The following DOCK4 variants were observed in gnomAD, a reference collection of about 807,000 sequenced individuals.
The protein encoded by DOCK4 is dedicator of cytokinesis 4, also known as dedicator of cytokinesis protein 4.
A neutral mutation model predicts 268.1 loss-of-function variants in DOCK4; 97 were observed. That is an observed-to-expected ratio of 0.36 (90% CI 0.31 to 0.43). The LOEUF (loss-of-function observed/expected upper bound fraction) is 0.43. Ranked by LOEUF, DOCK4 falls within the 20% of genes least tolerant of loss-of-function variation. The pLI is 1.00. For missense variants in DOCK4, 2,145 were observed against 2,455.7 expected (o/e 0.87, Z 2.67); for synonymous variants, 954 against 887.2 (o/e 1.08, Z -1.34).
chr7:112,115,633 T>TCATTCATC lies in DOCK4; in HGVS notation c.37+90468_37+90469insGATGAATG, dbSNP rs1554448923. ...ATATGCCATCTATCAATCCACCCATTCATCCATCCATCCATCCACCCATCC... is the reference window on the plus strand; with the variant it reads ...ATATGCCATCTATCAATCCACCCATTCATTCATCCATCCATCCATCCATCCACCCATCC... On this transcript the variant is annotated intron_variant, in intron 1 of 52. Transcript: ENST00000428084. Among the ~76,000 whole-genome samples the TCATTCATC allele has an allele frequency of 3.5e-3, 114 of 32,198 alleles. 1 individual carries two copies. Among genetic ancestry groups the TCATTCATC allele is most frequent in the African/African-American group, 1.5e-3 (2 of 1,340 alleles). The allele number at this position is 32,198 out of a possible 152,430, so 21.1% of individuals were successfully genotyped here.
chr7:112,007,834 T>G (rs961288742), intron 1 of DOCK4, among the ~76,000 whole-genome samples: 1 of 152,250 alleles, frequency 6.6e-6, no homozygotes, highest in African/African-American at 2.4e-5. Context: ...AAATTCTATT[T>G]GGAAACAACT....
At chr7:111,902,999 G>C (rs960272302) in intron 13 of DOCK4, among the ~76,000 whole-genome samples, 3 of 152,118 alleles carry the variant, frequency 2.0e-5, no homozygotes, top group Admixed American at 2.0e-4. Context: ...TCGATCTCCT[G>C]ACCTTGAATA....
At chr7:112,174,600 GA>G (rs151142456) in intron 1 of DOCK4, among the ~76,000 whole-genome samples, 7 of 151,778 alleles carry the variant, frequency 4.6e-5, no homozygotes, top group African/African-American at 1.5e-4. Flanking sequence ...TGATTACAGG[GA>G]AAAAAGGCAG....
intron 42 of DOCK4, among the ~76,000 whole-genome samples, chr7:111,749,575 T>C (rs1241539689): frequency 6.6e-6 from 1 of 151,898 alleles, no homozygotes; most frequent in Non-Finnish European, 1.5e-5. Context: ...TTTCTAAAAG[T>C]AAATAAAACA....
chr7:112,150,395 C>T (rs1815946471), intron 1 of DOCK4, among the ~76,000 whole-genome samples: 1 of 152,060 alleles, frequency 6.6e-6, no homozygotes, highest in South Asian at 2.1e-4. Context: ...GCCAACATGC[C>T]GCTCCAAGCT....
intron 1 of DOCK4, among the ~76,000 whole-genome samples, chr7:112,184,825 G>C (rs982343669): frequency 1.3e-5 from 2 of 152,058 alleles, no homozygotes; most frequent in Admixed American, 6.6e-5. Context: ...GTTGAGAGAA[G>C]AGATTATGGA....
intron 12 of DOCK4, among the ~76,000 whole-genome samples, chr7:111,917,028 C>G (rs990116037): frequency 8.0e-6 from 1 of 124,964 alleles, no homozygotes; most frequent in Admixed American, 9.8e-5. Flanking sequence ...ACGCTCTGTT[C>G]CCAGGCTGGA....
At chr7:112,176,960 G>A (rs1818587906) in intron 1 of DOCK4, among the ~76,000 whole-genome samples, 2 of 152,138 alleles carry the variant, frequency 1.3e-5, no homozygotes, top group African/African-American at 4.8e-5. Flanking sequence ...GTCCTTTAGT[G>A]ACATAAGTTC....
In DOCK4 at chr7:111,769,615, C is replaced by T; in HGVS notation, c.3742G>A (p.Glu1248Lys). 6.2e-7 allele frequency: 1 copy of T among 1,613,798 alleles called. No individual in the cohort carries two copies. Residue 1248 changes from glutamate (E) to lysine (K), a missense_variant, in exon 37 of 53, where the codon GAG becomes AAG. Physicochemically the swap from Glu to Lys is moderately conservative, Grantham distance 56 (BLOSUM62 1). Transcript: ENST00000428084. ...LLEWSDRPLR[E>K]FLTYPMQTEW... ...GTTTGCATGGGGTAGGTCAGGAACT[C>T]CCTGAGGGGCCGATCAGACCATTCC...
chr7:111,838,973 C>T (rs1803458873), intron 25 of DOCK4, among the ~76,000 whole-genome samples: 1 of 152,108 alleles, frequency 6.6e-6, no homozygotes, highest in South Asian at 2.1e-4. Flanking sequence ...GAGTTCATTC[C>T]TTGTTTGGGC....
At chr7:111,808,585 A>T (rs1308340269) in intron 30 of DOCK4, 1 of 443,238 alleles carries the variant, frequency 2.3e-6, no homozygotes, top group African/African-American at 2.0e-5. Flanking sequence ...TATAAAATTT[A>T]TCGTTAATTA....
intron 28 of DOCK4, 98 bp from the exon 29 acceptor site, chr7:111,809,499 G>C: frequency 2.0e-6 from 2 of 1,021,486 alleles, no homozygotes; most frequent in Middle Eastern, 2.6e-4. Flanking sequence ...AGTGGTTGAG[G>C]GTATAGTTGA....
chr7:111,750,956 C>G (rs569284437), intron 42 of DOCK4, among the ~76,000 whole-genome samples: 1 of 152,260 alleles, frequency 6.6e-6, no homozygotes, highest in East Asian at 1.9e-4. Context: ...TTTCCTGTAC[C>G]TCAGGGTAAT....
chr7:112,067,558 G>T (rs1413028857), intron 1 of DOCK4, among the ~76,000 whole-genome samples: 1 of 152,198 alleles, frequency 6.6e-6, no homozygotes, highest in African/African-American at 2.4e-5. Context: ...TAACTGGAGG[G>T]CTAAAAAAGA....
intron 1 of DOCK4, among the ~76,000 whole-genome samples, chr7:112,116,261 A>G (rs1402286554): frequency 6.6e-6 from 1 of 152,150 alleles, no homozygotes; most frequent in Admixed American, 6.5e-5. Context: ...GAAATCATAT[A>G]ATGTGTGACC....
intron 1 of DOCK4, among the ~76,000 whole-genome samples, chr7:112,129,215 A>G (rs1813569878): frequency 6.6e-6 from 1 of 152,258 alleles, no homozygotes; most frequent in Admixed American, 6.5e-5. Flanking sequence ...CTATTCAGCA[A>G]TAAAAAGGAG....
At chr7:112,203,529 G>A (rs1222003516) in intron 1 of DOCK4, among the ~76,000 whole-genome samples, 2 of 151,980 alleles carry the variant, frequency 1.3e-5, no homozygotes, top group Non-Finnish European at 1.5e-5. Flanking sequence ...ATAAATGAGG[G>A]TATATAAAAA....
chr7:111,931,730 CAACTT>C (rs1400642297), intron 12 of DOCK4, among the ~76,000 whole-genome samples: 2 of 152,124 alleles, frequency 1.3e-5, no homozygotes, highest in African/African-American at 2.4e-5. Flanking sequence ...TGAAAACAGA[CAACTT>C]AAGAGGTAAG....
At chr7:111,863,809 T>C (rs1482911334) in intron 22 of DOCK4, among the ~76,000 whole-genome samples, 3 of 152,158 alleles carry the variant, frequency 2.0e-5, no homozygotes, top group Non-Finnish European at 4.4e-5. Flanking sequence ...TCACTGACAT[T>C]AGCAAAAGGA....
Sources: allele counts gnomAD v4.1 joint callset (sites outside exome capture counted in the v4.1 genomes callset), GRCh38; gene constraint gnomAD v4.1.1; transcripts MANE v1.5; gene names NCBI Gene and HGNC (gene_info 2026-07-23, HGNC 2026-07-21).